The following MACF1 variants were observed in gnomAD, a reference collection of about 807,000 sequenced individuals.
MACF1 encodes the protein microtubule actin crosslinking factor 1.
A neutral mutation model predicts 854.8 loss-of-function variants in MACF1; 193 were observed. The ratio of observed to expected loss-of-function variants is 0.23; its 90% CI spans 0.20 to 0.25. MACF1 has a LOEUF of 0.25. MACF1 is among the 10% of genes least tolerant of loss of function. The pLI is 1.00. For missense variants in MACF1, 7,722 were observed against 8,929.1 expected, an observed-to-expected ratio of 0.86 and a Z score of 5.45; for synonymous variants, 3,185 against 3,226.7, an observed-to-expected ratio of 0.99 and a Z score of 0.44.
intron 2 of MACF1, among the ~76,000 whole-genome samples, chr1:39,116,277 G>T (rs1642541187): frequency 6.6e-6 from 1 of 152,176 alleles, no homozygotes; most frequent in Non-Finnish European, 1.5e-5. Context: ...GTTGGTTAGA[G>T]GTGTAGGAAC....
At chr1:39,306,397 G>A (rs554037726) in intron 23 of MACF1, among the ~76,000 whole-genome samples, 1 of 152,074 alleles carries the variant, frequency 6.6e-6, no homozygotes, top group African/African-American at 2.4e-5. Flanking sequence ...CAAAGTGTTG[G>A]GATTACAGGC....
In MACF1 at chr1:39,485,694, A is replaced by G; in HGVS notation, c.22568A>G (p.Gln7523Arg). ...TCAGAAAGCAGCGCTGCAGGGGGCC[A>G]AGGCAACTCCAGGAGAGGGCTAAAC... ...DTSESSAAGGQGNSRRGLNKP... is the reference protein window; with the variant it reads ...DTSESSAAGGRGNSRRGLNKP... The change falls in exon 101 of 101, where the codon CAA becomes CGA. Residue 7523 changes from glutamine (Q) to arginine (R), a missense_variant. Transcript: ENST00000564288. The G allele has an allele frequency of 6.2e-7, 1 of 1,614,110 alleles. No individual in the cohort carries two copies. The highest frequency in any genetic ancestry group is 8.5e-7 in the Non-Finnish European group (1 of 1,180,000).
At chr1:39,453,272 A>G (rs1176829873) in intron 87 of MACF1, among the ~76,000 whole-genome samples, 1 of 152,160 alleles carries the variant, frequency 6.6e-6, no homozygotes, top group African/African-American at 2.4e-5. Flanking sequence ...ATCCACTCAG[A>G]GATTTTAATC....
At chr1:39,225,633 T>C (rs1644708103) in intron 1 of MACF1, among the ~76,000 whole-genome samples, 1 of 152,330 alleles carries the variant, frequency 6.6e-6, no homozygotes, top group East Asian at 1.9e-4. Flanking sequence ...TCTGTAGAGA[T>C]GCTGGTGGTG....
intron 97 of MACF1, among the ~76,000 whole-genome samples, chr1:39,475,601 A>G (rs557620932): frequency 6.6e-6 from 1 of 152,242 alleles, no homozygotes; most frequent in South Asian, 2.1e-4. Flanking sequence ...GCTCCATGAA[A>G]CACCTGAGTA....
At chr1:39,088,656 G>A (rs1352326196) in intron 2 of MACF1, among the ~76,000 whole-genome samples, 3 of 152,174 alleles carry the variant, frequency 2.0e-5, no homozygotes, top group African/African-American at 7.2e-5. Context: ...GAAGTGGGGC[G>A]CTAGGGAGCT....
chr1:39,334,924 T>C lies in MACF1; in HGVS notation c.8336T>C (p.Ile2779Thr). 6.2e-7 allele frequency: 1 copy of C among 1,614,138 alleles called. No homozygotes were observed. The highest frequency in any genetic ancestry group is 8.5e-7 in the Non-Finnish European group (1 of 1,180,012). ...GCTCAGATTGAAAAGCAAGAAGGGA[T>C]TGAAGTGTGTGCATTACAAAATGAA... ...HRAQIEKQEG[I>T]EVCALQNEFL... Residue 2779 changes from isoleucine (I) to threonine (T), a missense_variant, in exon 37 of 101, where the codon ATT (isoleucine) becomes ACT (threonine). By Grantham distance (89) the Ile-to-Thr change is moderately conservative (BLOSUM62 -1). Around this residue, in one of 15 missense-constraint regions of MACF1, gnomAD observed 1,531 missense variants for 1,601.6 expected, o/e 0.96. Transcript: ENST00000564288.
In MACF1 at chr1:39,442,566, A is replaced by G; in HGVS notation, c.19103A>G (p.His6368Arg). The G allele has an allele frequency of 1.2e-6, 2 of 1,614,062 alleles. No individual in the cohort carries two copies. Among genetic ancestry groups the G allele is most frequent in the East Asian group, 2.2e-5 (1 of 44,886 alleles). ...KVIEVELAKH[H>R]VLKNDVLAHQ... ...ATTGAAGTTGAGCTCGCAAAGCACC[A>G]TGTAAGTATTTTCATTTTTTCATCT... The change falls in exon 77 of 101, where the codon CAT becomes CGT. Residue 6368 changes from histidine (H) to arginine (R), a missense_variant and splice_region_variant. By Grantham distance (29) the His-to-Arg change is conservative. Coordinates refer to ENST00000564288, the MANE Select transcript of MACF1 (RefSeq NM_001394062.1).
At chr1:39,191,869 T>A (rs1482109809) in intron 2 of MACF1, among the ~76,000 whole-genome samples, 1 of 152,092 alleles carries the variant, frequency 6.6e-6, no homozygotes, top group Non-Finnish European at 1.5e-5. Context: ...GGGACATGTG[T>A]TCTTAAAACT....
In MACF1 at chr1:39,433,048, G is replaced by C. The variant is rs774738714; in HGVS notation, c.17458G>C (p.Ala5820Pro). 1.4e-5 allele frequency: 23 copies of C among 1,594,092 alleles called. No homozygotes were observed. In the South Asian group the frequency reaches 1.9e-4, roughly 13 times the overall value. Residue 5820 changes from alanine to proline, a missense_variant and splice_region_variant, in exon 68 of 101, where the codon GCT becomes CCT. Around this residue, in one of 15 missense-constraint regions of MACF1, gnomAD observed 2,807 missense variants for 3,235.8 expected, o/e 0.87. Transcript: ENST00000564288. ...CTTAACTACAGTTTACTTTTCAAAG[G>C]CTTTCTCCATTGACATTATTCGACA... is the stretch of plus-strand genomic sequence containing the variant. ...QTTAQLQVQK[A>P]FSIDIIRHKD... is the part of the protein sequence containing the mutation.
chr1:39,485,923 CTTA>C lies in MACF1; in HGVS notation c.*132_*134del, dbSNP rs1570254905. ...AAGAATAATTGTGTTATGAAGCTGC[CTTA>C]TTTTTTTTCTTTTTGTAAGTTACTA... On this transcript the variant is annotated 3_prime_UTR_variant, in exon 101 of 101. Transcript: ENST00000564288. 3 of 1,089,314 alleles carry C rather than the reference CTTA, an allele frequency of 2.8e-6. No homozygotes were observed. The East Asian group carries it at 9.4e-5, about 34-fold the overall frequency. The allele number at this position is 1,089,314 out of a possible 1,614,324, so 67.5% of individuals were successfully genotyped here.
chr1:39,304,762 C>A, intron 23 of MACF1: 1 of 320,276 alleles, frequency 3.1e-6, no homozygotes, highest in South Asian at 2.9e-5. Context: ...CGGAGTTTCA[C>A]CATGTTAGCC....
chr1:39,173,495 TCCACCTA>T (rs1643981661), intron 2 of MACF1, among the ~76,000 whole-genome samples: 2 of 152,220 alleles, frequency 1.3e-5, no homozygotes, highest in African/African-American at 4.8e-5. Flanking sequence ...TCTATCCTCT[TCCACCTA>T]CCACTTGTTG....
At chr1:39,419,416 A>G (rs780248163) in intron 58 of MACF1, among the ~76,000 whole-genome samples, 4 of 152,222 alleles carry the variant, frequency 2.6e-5, no homozygotes, top group Non-Finnish European at 4.4e-5. Flanking sequence ...AACTTTCTGA[A>G]TGCTGGCATG....
At chr1:39,178,130 TA>T (rs1644055827) in intron 2 of MACF1, among the ~76,000 whole-genome samples, 1 of 151,468 alleles carries the variant, frequency 6.6e-6, no homozygotes, top group Admixed American at 6.6e-5. Flanking sequence ...AGTAAGCCCA[TA>T]AAGGTCAGCC....
Position 39,106,890 on chromosome 1 carries a change from A to G in MACF1, c.220+22452A>G, listed in dbSNP as rs527895839. Among the ~76,000 whole-genome samples, 189 of 148,714 alleles carry G rather than the reference A, an allele frequency of 1.3e-3. 1 individual carries two copies. Among genetic ancestry groups the G allele is most frequent in the Admixed American group, 3.0e-3 (44 of 14,636 alleles). ...AGAGATGAAATGCGAAAAAAGACCTACTAGGGTTTTTGCTTGTTCCCTCTG... is the reference window on the plus strand; with the variant it reads ...AGAGATGAAATGCGAAAAAAGACCTGCTAGGGTTTTTGCTTGTTCCCTCTG... On this transcript the variant is annotated intron_variant, in intron 2 of 93. Coordinates refer to the MACF1 transcript ENST00000361689.
Position 39,287,578 on chromosome 1 carries a change from A to G in MACF1, c.1785+16A>G. On this transcript the variant is annotated intron_variant, in intron 15 of 100. Transcript: ENST00000564288. ...AGAGATGCAGGTGGGTGCATATCCA[A>G]AAGCTTATGCAGTACACTGATGTTT... is the stretch of plus-strand genomic sequence containing the variant. The G allele has an allele frequency of 6.2e-7, 1 of 1,613,958 alleles. No individual in the cohort carries two copies. Among genetic ancestry groups the G allele is most frequent in the Non-Finnish European group, 8.5e-7 (1 of 1,179,870 alleles).
intron 6 of MACF1, chr1:39,269,835 C>A: frequency 1.2e-6 from 1 of 820,466 alleles, no homozygotes; most frequent in Non-Finnish European, 1.7e-6. Flanking sequence ...AAACTTACCC[C>A]CATGTGGGTT....
chr1:39,256,396 A>G (rs1188891473), intron 5 of MACF1, among the ~76,000 whole-genome samples: 1 of 152,180 alleles, frequency 6.6e-6, no homozygotes, highest in Non-Finnish European at 1.5e-5. Context: ...ACCGTATAGA[A>G]GAGGAGACCA....
Sources: gnomAD v4.1 joint callset for allele counts (sites outside exome capture counted in the v4.1 genomes callset) on GRCh38, gnomAD v4.1.1 for gene constraint, gnomAD v4.1.1 regional missense constraint, MANE v1.5 for transcripts, NCBI Gene and HGNC (gene_info 2026-07-23, HGNC 2026-07-21) for gene names.